SLC16A12: variants seen among roughly 807,000 people sequenced by gnomAD.
SLC16A12 encodes the protein monocarboxylate transporter 12.
In SLC16A12, 17 loss-of-function variants were observed where a neutral mutation model predicts 42.4. The ratio of observed to expected loss-of-function variants is 0.40; its 90% CI spans 0.27 to 0.60. The LOEUF (loss-of-function observed/expected upper bound fraction) is 0.60. Ranked by LOEUF, SLC16A12 falls within the 20% of genes least tolerant of loss-of-function variation. The pLI, the probability that SLC16A12 is intolerant of heterozygous loss-of-function variation, is 0.42. For synonymous variants in SLC16A12, 224 were observed against 229.4 expected, an observed-to-expected ratio of 0.98 and a Z score of 0.21; for missense variants, 544 against 623.0, an observed-to-expected ratio of 0.87 and a Z score of 1.35.
intron 2 of SLC16A12, chr10:89,468,023 T>C (rs1226706477): frequency 6.6e-6 from 1 of 152,240 alleles, no homozygotes; most frequent in Non-Finnish European, 1.5e-5. Flanking sequence ...TCATTTGTTT[T>C]AGGTGAGCAT....
rs137936889 is a variant in SLC16A12 at position 89,452,447 on chromosome 10, C to T, written c.201-8588G>A. On this transcript the variant is annotated intron_variant, in intron 3 of 7. Transcript: ENST00000371790. ...CAATTCATTCTAATTATTTCACACT[C>T]TCATTTTCTTTACTTAGAATAACAT... Among the ~76,000 whole-genome samples, 134 of 152,212 alleles carry T rather than the reference C, an allele frequency of 8.8e-4. 1 individual carries two copies. The highest frequency in any genetic ancestry group is 3.2e-3 in the African/African-American group (131 of 41,526).
intron 2 of SLC16A12, among the ~76,000 whole-genome samples, chr10:89,547,803 C>A (rs1251550173): frequency 1.3e-5 from 2 of 151,740 alleles, no homozygotes; most frequent in African/African-American, 4.8e-5. Flanking sequence ...TCAAGACCAG[C>A]CTGGCAAAAC....
chr10:89,539,912 T>TCTTTC (rs1554833983), upstream of SLC16A12, among the ~76,000 whole-genome samples: 8 of 66,520 alleles, frequency 1.2e-4, no homozygotes, highest in Admixed American at 3.1e-4. Context: ...TTTCTTTCTT[T>TCTTTC]TTTCTTTTTT....
In SLC16A12 at chr10:89,520,782, G is replaced by A. The variant is rs569215112; in HGVS notation, c.-47+13719C>T. On this transcript the variant is annotated intron_variant, in intron 2 of 7. Transcript: ENST00000371790. ...GAAACTGAACCCATACCTGTTCTCT[G>A]CCCCTGCCCTTGAGCCTTAATGTTT... Among the ~76,000 whole-genome samples, 131 of 149,440 alleles carry A rather than the reference G, an allele frequency of 8.8e-4. 1 individual carries two copies. Among genetic ancestry groups the A allele is most frequent in the African/African-American group, 3.2e-3 (129 of 40,398 alleles).
chr10:89,450,550 T>G (rs57002199), intron 3 of SLC16A12, among the ~76,000 whole-genome samples: 9,171 of 152,270 alleles, frequency 0.06, 564 homozygotes, highest in African/African-American at 0.16. Flanking sequence ...AAGTGGAACT[T>G]GAACAATGAG....
intron 2 of SLC16A12, among the ~76,000 whole-genome samples, chr10:89,542,035 G>A (rs150883325): frequency 3.2e-4 from 48 of 152,096 alleles, no homozygotes; most frequent in Middle Eastern, 3.4e-3. Context: ...CTTTCTCTCC[G>A]GGTGCTTTGA....
intron 4 of SLC16A12, among the ~76,000 whole-genome samples, chr10:89,442,215 G>A (rs1386013773): frequency 6.6e-6 from 1 of 152,224 alleles, no homozygotes; most frequent in African/African-American, 2.4e-5. Flanking sequence ...GAGCAGATCT[G>A]TTCCCAGTGG....
chr10:89,538,049 G>A (rs1319739778), upstream of SLC16A12, among the ~76,000 whole-genome samples: 1 of 152,254 alleles, frequency 6.6e-6, no homozygotes, highest in Non-Finnish European at 1.5e-5. Flanking sequence ...CCCCTTTGGG[G>A]TTCCACGCTC....
upstream of SLC16A12, among the ~76,000 whole-genome samples, chr10:89,538,293 G>A (rs1464307623): frequency 6.6e-6 from 1 of 152,222 alleles, no homozygotes; most frequent in Non-Finnish European, 1.5e-5. Context: ...TACAGTGATG[G>A]AAATGTGCTA....
chr10:89,481,660 T>TGA (rs1425435931), intron 2 of SLC16A12, among the ~76,000 whole-genome samples: 16 of 141,270 alleles, frequency 1.1e-4, no homozygotes, highest in African/African-American at 4.0e-4. Context: ...TGTGTGTGTG[T>TGA]GTGTGAGAGA....
At chr10:89,468,821 G>A (rs1842448678) in intron 2 of SLC16A12, among the ~76,000 whole-genome samples, 1 of 152,116 alleles carries the variant, frequency 6.6e-6, no homozygotes, top group Non-Finnish European at 1.5e-5. Flanking sequence ...ATAATGGGCA[G>A]GTCTTTTATT....
In SLC16A12 at chr10:89,496,264, A is replaced by G. The variant is rs144825830; in HGVS notation, c.-46-33640T>C. Among the ~76,000 whole-genome samples, 815 of 152,208 alleles carry G rather than the reference A, an allele frequency of 5.4e-3. 4 individuals are homozygous for G. The highest frequency in any genetic ancestry group is 0.019 in the African/African-American group (772 of 41,550). On this transcript the variant is annotated intron_variant, in intron 2 of 7. Transcript: ENST00000371790. ...ATATCTTCAGAGAGGTCAAGAAAAC[A>G]TAATGCATAAATAAAACAAGAAGAG... is the stretch of plus-strand genomic sequence containing the variant.
chr10:89,449,256 A>G (rs2133710755), intron 3 of SLC16A12, among the ~76,000 whole-genome samples: 1 of 152,314 alleles, frequency 6.6e-6, no homozygotes, highest in Admixed American at 6.5e-5. Flanking sequence ...GGAAAAAACT[A>G]CTTTAAAGTT....
chr10:89,459,435 T>C (rs570662077), intron 3 of SLC16A12, among the ~76,000 whole-genome samples: 1 of 151,894 alleles, frequency 6.6e-6, no homozygotes, highest in African/African-American at 2.4e-5. Context: ...CAGGGGCAGG[T>C]AGAAGTGTGG....
At chr10:89,554,978 C>T (rs536966686) in intron 2 of SLC16A12, among the ~76,000 whole-genome samples, 2 of 152,262 alleles carry the variant, frequency 1.3e-5, no homozygotes, top group African/African-American at 2.4e-5. Context: ...GAATATCCCC[C>T]AGTAGAAACA....
chr10:89,477,425 G>C (rs531440422), intron 2 of SLC16A12, among the ~76,000 whole-genome samples: 1 of 152,110 alleles, frequency 6.6e-6, no homozygotes, highest in South Asian at 2.1e-4. Flanking sequence ...TTAGCTGGGC[G>C]TGGTGGTGCA....
chr10:89,493,226 T>C (rs1398432529), intron 2 of SLC16A12, among the ~76,000 whole-genome samples: 1 of 151,914 alleles, frequency 6.6e-6, no homozygotes, highest in African/African-American at 2.4e-5. Flanking sequence ...TTTCTTTTTT[T>C]TTTTTTTTGG....
At chr10:89,505,026 A>G (rs945531368) in intron 2 of SLC16A12, among the ~76,000 whole-genome samples, 2 of 152,214 alleles carry the variant, frequency 1.3e-5, no homozygotes, top group African/African-American at 4.8e-5. Flanking sequence ...GAATTGATAC[A>G]GCTTGATTCT....
At chr10:89,480,136 G>GT (rs576793365) in intron 2 of SLC16A12, among the ~76,000 whole-genome samples, 8 of 152,168 alleles carry the variant, frequency 5.3e-5, no homozygotes, top group East Asian at 1.9e-4. Flanking sequence ...TAATTCCAGG[G>GT]TTTTTTTGCC....
Sources: allele counts gnomAD v4.1 joint callset (sites outside exome capture counted in the v4.1 genomes callset), GRCh38; gene constraint gnomAD v4.1.1; transcripts MANE v1.5; gene names NCBI Gene and HGNC (gene_info 2026-07-23, HGNC 2026-07-21).